Variants in CTNNA2 observed in about 807,000 individuals in gnomAD.
CTNNA2 encodes the protein catenin alpha-2.
A neutral mutation model predicts 101.0 loss-of-function variants in CTNNA2; 42 were observed. The observed-to-expected ratio is 0.42, with a 90% CI of 0.32 to 0.54. The LOEUF (loss-of-function observed/expected upper bound fraction) is 0.54, where lower values mean the gene tolerates loss of function less well. Ranked by LOEUF, CTNNA2 falls within the 20% of genes least tolerant of loss-of-function variation. The pLI, the probability that CTNNA2 is intolerant of heterozygous loss-of-function variation, is 0.14. For synonymous variants in CTNNA2, 450 were observed against 456.4 expected (o/e 0.99, Z 0.18); for missense variants, 871 against 1,223.1 (o/e 0.71, Z 4.29).
chr2:80,243,152 T>C lies in CTNNA2; in HGVS notation c.1057-150059T>C, dbSNP rs1671068985. Among the ~76,000 whole-genome samples, 5 of 152,300 alleles carry C rather than the reference T, an allele frequency of 3.3e-5. No homozygotes were observed. In the South Asian group the frequency reaches 1.0e-3, roughly 32 times the overall value. ...ATGTTATTTGGTTTAAATTTTTATT[T>C]CAGTAGTGAGTAGTAAGAAACATTA... is the stretch of plus-strand genomic sequence containing the variant. On this transcript the variant is annotated intron_variant, in intron 7 of 18. Coordinates refer to ENST00000402739, the MANE Select transcript of CTNNA2 (RefSeq NM_001282597.3).
chr2:79,296,213 C>A (rs1487670363), intron 2 of CTNNA2, among the ~76,000 whole-genome samples: 1 of 152,110 alleles, frequency 6.6e-6, no homozygotes, highest in Non-Finnish European at 1.5e-5. Context: ...ACATTTCCCA[C>A]AGCAGATAAG....
chr2:80,482,502 T>C (rs1342092711), intron 9 of CTNNA2, among the ~76,000 whole-genome samples: 2 of 152,098 alleles, frequency 1.3e-5, no homozygotes, highest in Non-Finnish European at 2.9e-5. Context: ...AAAGCAACTA[T>C]AGACAATAGG....
intron 7 of CTNNA2, among the ~76,000 whole-genome samples, chr2:79,981,422 T>C (rs1229244042): frequency 2.0e-5 from 3 of 152,176 alleles, no homozygotes; most frequent in Non-Finnish European, 4.4e-5. Context: ...ATAGTTTATT[T>C]GATCTTTTAG....
intron 2 of CTNNA2, among the ~76,000 whole-genome samples, chr2:79,694,920 A>G (rs1227481447): frequency 2.0e-5 from 3 of 151,924 alleles, no homozygotes; most frequent in African/African-American, 4.8e-5. Flanking sequence ...AAACTCAAGA[A>G]AAAAACACAG....
chr2:79,211,439 A>G (rs1674171678), intron 2 of CTNNA2, among the ~76,000 whole-genome samples: 2 of 152,176 alleles, frequency 1.3e-5, no homozygotes, highest in Admixed American at 6.5e-5. Flanking sequence ...TGAGTCTGAA[A>G]AGAGAGTCAG....
At chr2:80,070,257 G>A (rs59148446) in intron 7 of CTNNA2, among the ~76,000 whole-genome samples, 4,141 of 152,232 alleles carry the variant, frequency 0.027, 178 homozygotes, top group African/African-American at 0.092. Flanking sequence ...TACAATAAGC[G>A]GGATGATGCC....
chr2:79,434,295 CAAAA>C (rs367927495), intron 4 of CTNNA2, among the ~76,000 whole-genome samples: 7 of 95,462 alleles, frequency 7.3e-5, no homozygotes, highest in Non-Finnish European at 1.1e-4. Context: ...GAGACTCTGT[CAAAA>C]AAAAAAAAAA....
At chr2:80,477,727 ATGTGTGTGTGTG>A (rs35938297) in intron 9 of CTNNA2, among the ~76,000 whole-genome samples, 2 of 143,802 alleles carry the variant, frequency 1.4e-5, no homozygotes, top group Admixed American at 1.4e-4. Context: ...CATGGTGTGA[ATGTGTGTGTGTG>A]TGTGTGTGTG....
At position 79,254,862 on chromosome 2, in the gene CTNNA2, A is replaced by G. The variant is rs190407256; in HGVS notation, c.-406+56786A>G. 1.8e-4 allele frequency among the ~76,000 whole-genome samples: 27 copies of G among 152,348 alleles called. No individual in the cohort carries two copies. The East Asian group carries it at 5.2e-3, about 29-fold the overall frequency. On this transcript the variant is annotated intron_variant, in intron 2 of 21. Coordinates refer to the CTNNA2 transcript ENST00000466387. ...TTTATTAAAGTGCCTAGCGCCCACA[A>G]ATAGGAAGGAAATCCTTTGAAGTTT... is the stretch of plus-strand genomic sequence containing the variant.
At chr2:80,503,181 A>G (rs553363897) in intron 9 of CTNNA2, among the ~76,000 whole-genome samples, 1 of 152,128 alleles carries the variant, frequency 6.6e-6, no homozygotes, top group African/African-American at 2.4e-5. Flanking sequence ...CAAAAAAAAA[A>G]CCATAAATAA....
intron 7 of CTNNA2, among the ~76,000 whole-genome samples, chr2:80,307,667 A>G (rs1677159772): frequency 1.3e-5 from 2 of 152,190 alleles, no homozygotes; most frequent in Non-Finnish European, 1.5e-5. Context: ...AATGTTGTAT[A>G]TTGGATAAGA....
At chr2:79,254,084 C>T (rs59299842) in intron 2 of CTNNA2, among the ~76,000 whole-genome samples, 6,438 of 152,240 alleles carry the variant, frequency 0.042, 383 homozygotes, top group African/African-American at 0.13. Flanking sequence ...CTCTGGATAA[C>T]CACTTGTTGC....
intron 6 of CTNNA2, among the ~76,000 whole-genome samples, chr2:79,879,040 A>G (rs1382150946): frequency 6.6e-6 from 1 of 152,078 alleles, no homozygotes; most frequent in Non-Finnish European, 1.5e-5. Context: ...TCTGCCTATG[A>G]CTAGCCAGTT....
intron 7 of CTNNA2, among the ~76,000 whole-genome samples, chr2:80,350,150 G>C (rs1673148727): frequency 6.6e-6 from 1 of 152,110 alleles, no homozygotes. Flanking sequence ...ATCTAGGGGT[G>C]TGCTTTTGGC....
intron 1 of CTNNA2, among the ~76,000 whole-genome samples, chr2:79,563,399 A>T (rs1391069673): frequency 1.3e-5 from 2 of 152,056 alleles, no homozygotes; most frequent in Non-Finnish European, 2.9e-5. Context: ...GTTGTGTTTT[A>T]TACATGATAA....
At chr2:79,780,298 G>A (rs753717480) in intron 3 of CTNNA2, among the ~76,000 whole-genome samples, 1 of 152,122 alleles carries the variant, frequency 6.6e-6, no homozygotes, top group Non-Finnish European at 1.5e-5. Context: ...TGAGGGCTGT[G>A]TCATGAACCA....
intron 9 of CTNNA2, among the ~76,000 whole-genome samples, chr2:80,543,234 G>A (rs991915112): frequency 5.9e-5 from 9 of 152,186 alleles, no homozygotes; most frequent in African/African-American, 2.2e-4. Flanking sequence ...GAATAAAAAT[G>A]TGGAGAGAAG....
At chr2:79,242,993 TACACACACAC>T (rs1161415099) in intron 2 of CTNNA2, among the ~76,000 whole-genome samples, 12 of 116,700 alleles carry the variant, frequency 1.0e-4, no homozygotes, top group Admixed American at 2.7e-4. Context: ...TATATATATA[TACACACACAC>T]ACACACACAC....
Position 79,561,148 on chromosome 2 carries a change from C to T in CTNNA2, c.-6+47941C>T, listed in dbSNP as rs191372279. Among the ~76,000 whole-genome samples the T allele has an allele frequency of 5.1e-3, 774 of 151,910 alleles. 2 individuals are homozygous for T. Among genetic ancestry groups the T allele is most frequent in the Non-Finnish European group, 6.4e-3 (436 of 67,830 alleles). ...GTGTTTCCACAGATTTGCTTATTGTCGACATGTTATGTAAACTGAATTATA... is the reference window on the plus strand; with the variant it reads ...GTGTTTCCACAGATTTGCTTATTGTTGACATGTTATGTAAACTGAATTATA... On this transcript the variant is annotated intron_variant, in intron 1 of 18. Coordinates refer to ENST00000402739, the MANE Select transcript of CTNNA2 (RefSeq NM_001282597.3).
Sources: allele counts gnomAD v4.1 joint callset (sites outside exome capture counted in the v4.1 genomes callset), GRCh38; gene constraint gnomAD v4.1.1; transcripts MANE v1.5; gene names NCBI Gene and HGNC (gene_info 2026-07-23, HGNC 2026-07-21).